The following CFAP299 variants were observed in gnomAD, a reference collection of about 807,000 sequenced individuals.
CFAP299 encodes cilia and flagella associated protein 299, also known as cilia- and flagella-associated protein 299.
Under a neutral mutation model 27.0 loss-of-function variants are expected in CFAP299, and 21 were observed. The ratio of observed to expected loss-of-function variants is 0.78; its 90% CI spans 0.55 to 1.12. The LOEUF (loss-of-function observed/expected upper bound fraction) is 1.12. Among genes scored for constraint, CFAP299 ranks in the 50% most tolerant of loss-of-function variants. The pLI, the probability that CFAP299 is intolerant of heterozygous loss-of-function variation, is 0.00. For missense variants in CFAP299, 310 were observed against 276.6 expected (o/e 1.12, Z -0.86); for synonymous variants, 104 against 98.1 (o/e 1.06, Z -0.36).
intron 2 of CFAP299, among the ~76,000 whole-genome samples, chr4:80,411,066 A>G (rs1726696712): frequency 6.6e-6 from 1 of 152,176 alleles, no homozygotes; most frequent in Non-Finnish European, 1.5e-5. Flanking sequence ...GCTCTTCTCC[A>G]CTAAAGCAGC....
chr4:80,514,207 A>G (rs1444637376), intron 2 of CFAP299, among the ~76,000 whole-genome samples: 1 of 152,026 alleles, frequency 6.6e-6, no homozygotes, highest in Admixed American at 6.6e-5. Context: ...TATTGAGGAG[A>G]AGAGATTGGA....
At chr4:80,397,546 C>G (rs1725872667) in intron 2 of CFAP299, among the ~76,000 whole-genome samples, 1 of 152,176 alleles carries the variant, frequency 6.6e-6, no homozygotes, top group Non-Finnish European at 1.5e-5. Flanking sequence ...CTACACACTG[C>G]TTTAAATGTG....
chr4:80,433,539 A>AATGATTGT (rs1727923893), intron 2 of CFAP299, among the ~76,000 whole-genome samples: 1 of 152,198 alleles, frequency 6.6e-6, no homozygotes, highest in African/African-American at 2.4e-5. Flanking sequence ...AGATGGCTTT[A>AATGATTGT]ATGATTGTAA....
At chr4:80,568,047 A>AG (rs1735397259) in intron 2 of CFAP299, among the ~76,000 whole-genome samples, 1 of 151,802 alleles carries the variant, frequency 6.6e-6, no homozygotes, top group Non-Finnish European at 1.5e-5. Context: ...AAAAATTTTG[A>AG]GGAAAAGATG....
chr4:80,671,063 C>T (rs1263300627), intron 3 of CFAP299, among the ~76,000 whole-genome samples: 2 of 152,108 alleles, frequency 1.3e-5, no homozygotes, highest in East Asian at 3.8e-4. Context: ...AAGTCCTTGC[C>T]CATGCCTATG....
At chr4:80,519,550 G>A (rs915765167) in intron 2 of CFAP299, among the ~76,000 whole-genome samples, 2 of 152,134 alleles carry the variant, frequency 1.3e-5, no homozygotes, top group African/African-American at 4.8e-5. Context: ...GTGAATTAAA[G>A]CTTTGAAGAA....
At chr4:80,689,756 T>A (rs1720521035) in intron 3 of CFAP299, among the ~76,000 whole-genome samples, 1 of 152,078 alleles carries the variant, frequency 6.6e-6, no homozygotes, top group Non-Finnish European at 1.5e-5. Context: ...GCAAATTGGA[T>A]AAGGAGTCAA....
intron 3 of CFAP299, among the ~76,000 whole-genome samples, chr4:80,687,505 T>C (rs762796231): frequency 6.6e-6 from 1 of 152,196 alleles, no homozygotes; most frequent in Non-Finnish European, 1.5e-5. Context: ...GCCATTGCAG[T>C]TGTAAATTCT....
intron 2 of CFAP299, among the ~76,000 whole-genome samples, chr4:80,534,420 A>G (rs1247513919): frequency 1.3e-5 from 2 of 151,768 alleles, no homozygotes; most frequent in African/African-American, 4.8e-5. Context: ...ATTCCATCTC[A>G]TCTAGCTTTT....
At chr4:80,537,426 G>A (rs1733797571) in intron 2 of CFAP299, among the ~76,000 whole-genome samples, 1 of 152,082 alleles carries the variant, frequency 6.6e-6, no homozygotes, top group African/African-American at 2.4e-5. Context: ...CCAAGCTGTG[G>A]AATCAACCTA....
intron 2 of CFAP299, among the ~76,000 whole-genome samples, chr4:80,524,332 G>C (rs969537404): frequency 1.3e-5 from 2 of 151,920 alleles, no homozygotes; most frequent in Non-Finnish European, 2.9e-5. Flanking sequence ...TATGTAACTA[G>C]CCCAGAGTTT....
At chr4:80,837,573 A>G (rs1271451513) in intron 3 of CFAP299, among the ~76,000 whole-genome samples, 1 of 152,092 alleles carries the variant, frequency 6.6e-6, no homozygotes, top group Non-Finnish European at 1.5e-5. Context: ...GCTGAGAATA[A>G]TGTTTTCCAG....
intron 4 of CFAP299, among the ~76,000 whole-genome samples, chr4:80,887,459 C>G (rs1361336293): frequency 6.6e-6 from 1 of 151,824 alleles, no homozygotes; most frequent in Non-Finnish European, 1.5e-5. Context: ...AAAAAAATAC[C>G]CTTGAAGAGT....
intron 4 of CFAP299, among the ~76,000 whole-genome samples, chr4:80,878,876 G>T (rs1374059621): frequency 2.0e-5 from 3 of 152,038 alleles, no homozygotes; most frequent in Non-Finnish European, 4.4e-5. Flanking sequence ...TTGAGATATT[G>T]TCTTATCAGA....
Position 80,899,171 on chromosome 4 carries a change from A to G in CFAP299, c.476+29036A>G, listed in dbSNP as rs768870024. On this transcript the variant is annotated intron_variant, in intron 4 of 5. Transcript: ENST00000358105. ...GCTACTGTGAAGATTTTATGAGATAATATATGTAGAACACTTAGAACAGTC... is the reference window on the plus strand; with the variant it reads ...GCTACTGTGAAGATTTTATGAGATAGTATATGTAGAACACTTAGAACAGTC... 7.9e-5 allele frequency among the ~76,000 whole-genome samples: 12 copies of G among 152,350 alleles called. No individual in the cohort carries two copies. In the South Asian group the frequency reaches 1.4e-3, roughly 18 times the overall value.
chr4:80,755,304 A>T (rs550328207), intron 3 of CFAP299, among the ~76,000 whole-genome samples: 14 of 152,262 alleles, frequency 9.2e-5, no homozygotes, highest in African/African-American at 3.4e-4. Flanking sequence ...CAGCAACAAA[A>T]AAAAAGACAA....
chr4:80,759,183 A>T, intron 3 of CFAP299, among the ~76,000 whole-genome samples: 1 of 152,232 alleles, frequency 6.6e-6, no homozygotes, highest in East Asian at 1.9e-4. Flanking sequence ...ATTTATTTAT[A>T]TGATAAATAT....
At chr4:80,409,549 A>G (rs1211211842) in intron 2 of CFAP299, among the ~76,000 whole-genome samples, 1 of 152,224 alleles carries the variant, frequency 6.6e-6, no homozygotes, top group Non-Finnish European at 1.5e-5. Context: ...CTACATAGGT[A>G]TCATGAAGAA....
chr4:80,809,405 G>T (rs1292218274), intron 3 of CFAP299, among the ~76,000 whole-genome samples: 1 of 152,146 alleles, frequency 6.6e-6, no homozygotes, highest in African/African-American at 2.4e-5. Flanking sequence ...CCATGCAAGT[G>T]TTTGGTGATG....
Sources: allele counts gnomAD v4.1 joint callset (sites outside exome capture counted in the v4.1 genomes callset), GRCh38; gene constraint gnomAD v4.1.1; transcripts MANE v1.5; gene names NCBI Gene and HGNC (gene_info 2026-07-23, HGNC 2026-07-21).